The following LUZP1 variants were observed in gnomAD, a reference collection of about 807,000 sequenced individuals.
LUZP1 encodes the protein filamin mechanobinding actin cross-linking protein.
A neutral mutation model predicts 71.3 loss-of-function variants in LUZP1; 25 were observed. That is an observed-to-expected ratio of 0.35 (90% confidence interval 0.26 to 0.49). The LOEUF is 0.49. Among genes scored for constraint, LUZP1 ranks in the 20% least tolerant of loss-of-function variants. The pLI is 0.99. For missense variants in LUZP1, 1,142 were observed against 1,300.8 expected (o/e 0.88, Z 1.88); for synonymous variants, 481 against 506.4 (o/e 0.95, Z 0.67).
At chr1:23,164,689 A>C (rs1410831158) in intron 2 of LUZP1, among the ~76,000 whole-genome samples, 3 of 152,104 alleles carry the variant, frequency 2.0e-5, no homozygotes, top group Non-Finnish European at 4.4e-5. Context: ...GGAAGAAACA[A>C]TCTTCCCCGC....
chr1:23,094,454 G>A lies in LUZP1; in HGVS notation c.-119-74C>T. On this transcript the variant is annotated intron_variant, in intron 3 of 4. Transcript: ENST00000302291. This position sits in a 1 kb window ranked among gnomAD's most constrained non-coding sequence, Gnocchi z 4.7. Reference sequence around the variant, plus strand: ...CACGTTAGCTCCCAGTTATAGAAAAGTGCTCCTATCTGTTCCTGGTGCCTG... The same window carrying A: ...CACGTTAGCTCCCAGTTATAGAAAAATGCTCCTATCTGTTCCTGGTGCCTG... The A allele has an allele frequency of 8.6e-7, 1 of 1,167,968 alleles. No individual in the cohort carries two copies. The highest frequency in any genetic ancestry group is 1.1e-6 in the Non-Finnish European group (1 of 887,356). The allele number at this position is 1,167,968 out of a possible 1,614,324, so 72.4% of individuals were successfully genotyped here.
intron 2 of LUZP1, among the ~76,000 whole-genome samples, chr1:23,162,967 T>C (rs908167876): frequency 6.6e-6 from 1 of 151,754 alleles, no homozygotes; most frequent in Non-Finnish European, 1.5e-5. Flanking sequence ...TAAGGCTGGG[T>C]GCGGTGGCTC....
chr1:23,117,486 CCCCCCA>C (rs1482846443), intron 2 of LUZP1, among the ~76,000 whole-genome samples: 12 of 41,024 alleles, frequency 2.9e-4, no homozygotes, highest in Non-Finnish European at 2.0e-4. Flanking sequence ...TCCCCCCCCC[CCCCCCA>C]CAATCAGGAA....
intron 2 of LUZP1, among the ~76,000 whole-genome samples, chr1:23,118,271 T>C (rs1412884209): frequency 6.8e-6 from 1 of 147,350 alleles, no homozygotes; most frequent in African/African-American, 2.5e-5. Context: ...GTGGCACACA[T>C]CTGTAGTCCC....
chr1:23,093,684 A>T lies in LUZP1; in HGVS notation c.578T>A (p.Phe193Tyr). The T allele has an allele frequency of 6.2e-7, 1 of 1,613,016 alleles. No individual in the cohort carries two copies. Among genetic ancestry groups the T allele is most frequent in the Non-Finnish European group, 8.5e-7 (1 of 1,179,864 alleles). The change falls in exon 4 of 5, where the codon TTT (phenylalanine) becomes TAT (tyrosine). Residue 193 changes from phenylalanine (F) to tyrosine (Y), a missense_variant. By Grantham distance (22) the Phe-to-Tyr change is conservative (BLOSUM62 3). Transcript: ENST00000302291. This position sits in a 1 kb window ranked among gnomAD's most constrained non-coding sequence, Gnocchi z 4.2. The stretch of plus-strand genomic sequence containing the variant: ...ATTCAAGTATTTTCTCTCACTTACA[A>T]AGCTCAGAGTTAATGATTTCAGCTT...
At chr1:23,170,968 C>T (rs1264531042) in intron 1 of LUZP1, among the ~76,000 whole-genome samples, 10 of 151,644 alleles carry the variant, frequency 6.6e-5, no homozygotes, top group Admixed American at 5.9e-4. Flanking sequence ...GGTGCCCGTG[C>T]AGTCTCAGCT....
At chr1:23,113,595 C>T (rs1413552494) in intron 2 of LUZP1, among the ~76,000 whole-genome samples, 1 of 150,440 alleles carries the variant, frequency 6.6e-6, no homozygotes, top group East Asian at 2.0e-4. Context: ...AGAAAATATG[C>T]TCAAGGCCGG....
chr1:23,141,339 T>C (rs1300714240), intron 2 of LUZP1, among the ~76,000 whole-genome samples: 2 of 152,202 alleles, frequency 1.3e-5, no homozygotes, highest in African/African-American at 4.8e-5. Context: ...AGTGTATCCC[T>C]TGAGCCTCCT....
At chr1:23,131,452 T>A (rs1453396839) in intron 2 of LUZP1, among the ~76,000 whole-genome samples, 1 of 152,094 alleles carries the variant, frequency 6.6e-6, no homozygotes, top group Non-Finnish European at 1.5e-5. Flanking sequence ...ATTCTGTTGA[T>A]ATGTTTACTA....
intron 1 of LUZP1, among the ~76,000 whole-genome samples, chr1:23,175,269 G>T (rs1644575902): frequency 6.6e-6 from 1 of 152,166 alleles, no homozygotes; most frequent in Admixed American, 6.5e-5. Context: ...GCCATTATTG[G>T]CTGGGTGGCT....
intron 2 of LUZP1, among the ~76,000 whole-genome samples, chr1:23,148,562 T>C (rs915960046): frequency 6.6e-6 from 1 of 152,176 alleles, no homozygotes; most frequent in African/African-American, 2.4e-5. Context: ...CAGGGAACTG[T>C]CACAGTGCAA....
chr1:23,084,665 T>C (rs1643732755), exon 5 of LUZP1: 1 of 152,162 alleles, frequency 6.6e-6, no homozygotes, highest in Non-Finnish European at 1.5e-5. Flanking sequence ...TCTTTCTTAC[T>C]GTGAGTTAAG....
At chr1:23,136,359 A>G (rs919332820) in intron 2 of LUZP1, among the ~76,000 whole-genome samples, 5 of 150,036 alleles carry the variant, frequency 3.3e-5, no homozygotes, top group African/African-American at 1.2e-4. Flanking sequence ...CCTTCATTAA[A>G]GAGGAAAAAA....
chr1:23,135,889 A>G (rs576498376), intron 2 of LUZP1, among the ~76,000 whole-genome samples: 5 of 152,332 alleles, frequency 3.3e-5, no homozygotes, highest in South Asian at 4.1e-4. Context: ...AATTCTTGAT[A>G]TAACTCCTTA....
chr1:23,090,774 C>A lies in LUZP1; in HGVS notation c.3072+416G>T, dbSNP rs531255168. On this transcript the variant is annotated intron_variant, in intron 4 of 4. Transcript: ENST00000302291. Reference sequence around the variant, plus strand: ...CGAGAACTTGCTGACCTGGCTCCCCCTCACTGTGCCCTACAGAAAGGGCAC... The same window carrying A: ...CGAGAACTTGCTGACCTGGCTCCCCATCACTGTGCCCTACAGAAAGGGCAC... 70 of 687,354 alleles carry A rather than the reference C, an allele frequency of 1.0e-4. No homozygotes were observed. In the African/African-American group the frequency reaches 1.1e-3, roughly 11 times the overall value. The allele number at this position is 687,354 out of a possible 1,614,324, so 42.6% of individuals were successfully genotyped here. A position where few individuals can be genotyped will look rare whatever the true frequency, so the allele number is the denominator to read the frequency against.
At chr1:23,097,409 A>G (rs1319143921) in intron 3 of LUZP1, among the ~76,000 whole-genome samples, 1 of 152,216 alleles carries the variant, frequency 6.6e-6, no homozygotes, top group Non-Finnish European at 1.5e-5. Context: ...CAGGCAAAAC[A>G]TAGTTATGGC....
At chr1:23,101,205 T>C (rs1223374045) in intron 3 of LUZP1, among the ~76,000 whole-genome samples, 1 of 152,224 alleles carries the variant, frequency 6.6e-6, no homozygotes, top group African/African-American at 2.4e-5. Flanking sequence ...TACATGTTCC[T>C]ACGTTACTCC....
chr1:23,119,375 C>G (rs1184001799), intron 2 of LUZP1, among the ~76,000 whole-genome samples: 2 of 151,436 alleles, frequency 1.3e-5, no homozygotes, highest in African/African-American at 4.9e-5. Flanking sequence ...CCTCCTGCCT[C>G]AGCCTCCTGA....
At chr1:23,177,143 G>A (rs976351899) in intron 1 of LUZP1, among the ~76,000 whole-genome samples, 2 of 152,034 alleles carry the variant, frequency 1.3e-5, no homozygotes, top group African/African-American at 2.4e-5. Context: ...CTCCCACCTC[G>A]GCCTCCCAAA....
Sources: allele counts gnomAD v4.1 joint callset (sites outside exome capture counted in the v4.1 genomes callset), GRCh38; gene constraint gnomAD v4.1.1; non-coding constraint Gnocchi (gnomAD v3.1); transcripts MANE v1.5; gene names NCBI Gene and HGNC (gene_info 2026-07-23, HGNC 2026-07-21).